FGD5: variants seen among roughly 807,000 people sequenced by gnomAD.
The protein encoded by FGD5 is FYVE, RhoGEF and PH domain containing 5, also known as FYVE, RhoGEF and PH domain-containing protein 5.
Under a neutral mutation model 133.4 loss-of-function variants are expected in FGD5, and 28 were observed. That is an observed-to-expected ratio of 0.21 (90% CI 0.16 to 0.29). The LOEUF (loss-of-function observed/expected upper bound fraction) is 0.29. Ranked by LOEUF, FGD5 falls within the 10% of genes least tolerant of loss-of-function variation. The pLI is 1.00. For missense variants in FGD5, 1,858 were observed against 1,895.2 expected (o/e 0.98, Z 0.36); for synonymous variants, 810 against 776.5 (o/e 1.04, Z -0.72).
chr3:14,886,393 G>A (rs933171483), intron 4 of FGD5, among the ~76,000 whole-genome samples: 3 of 152,228 alleles, frequency 2.0e-5, no homozygotes, highest in Admixed American at 6.5e-5. Context: ...GGGGCAGCAC[G>A]CACCCCGGGA....
chr3:14,879,412 C>T (rs958314146), intron 2 of FGD5, among the ~76,000 whole-genome samples: 1 of 152,254 alleles, frequency 6.6e-6, no homozygotes, highest in African/African-American at 2.4e-5. Flanking sequence ...CTGCTTGTGG[C>T]AGAAGGCCCA....
intron 1 of FGD5, among the ~76,000 whole-genome samples, chr3:14,812,869 T>A (rs2036314049): frequency 6.6e-6 from 1 of 152,204 alleles, no homozygotes; most frequent in East Asian, 1.9e-4. Context: ...CCAGCTAATA[T>A]TTATTGGGTA....
intron 13 of FGD5, among the ~76,000 whole-genome samples, chr3:14,919,259 T>A (rs1024910991): frequency 1.3e-5 from 2 of 152,208 alleles, no homozygotes; most frequent in African/African-American, 2.4e-5. Context: ...AAAAAAATAA[T>A]AAGTGAGCGT....
At chr3:14,824,230 C>T (rs2036560848) in intron 1 of FGD5, among the ~76,000 whole-genome samples, 1 of 152,232 alleles carries the variant, frequency 6.6e-6, no homozygotes, top group African/African-American at 2.4e-5. Context: ...CCACTTTGGG[C>T]TGGAGCAGGT....
intron 1 of FGD5, 89 bp from the exon 2 acceptor site, chr3:14,864,039 C>T (rs2037449063): frequency 6.5e-7 from 1 of 1,543,348 alleles, no homozygotes. Context: ...TGTTTTCTGT[C>T]CCCATGGCAT....
chr3:14,903,471 T>C (rs1293023916), intron 9 of FGD5, among the ~76,000 whole-genome samples: 1 of 150,680 alleles, frequency 6.6e-6, no homozygotes, highest in Non-Finnish European at 1.5e-5. Context: ...TCATCTAGCA[T>C]TAGGTATATC....
intron 1 of FGD5, among the ~76,000 whole-genome samples, chr3:14,822,122 GAAAAAGA>G (rs763737232): frequency 2.6e-5 from 4 of 151,618 alleles, no homozygotes; most frequent in African/African-American, 4.9e-5. Flanking sequence ...AAAAAGAAAA[GAAAAAGA>G]AAAAAGAAAA....
upstream of FGD5, among the ~76,000 whole-genome samples, chr3:14,818,515 G>T (rs2036415320): frequency 1.3e-5 from 2 of 152,176 alleles, no homozygotes; most frequent in South Asian, 4.1e-4. Context: ...CGTGTAGCTA[G>T]TGGGTACCCA....
At chr3:14,839,928 C>G (rs2036885637) in intron 1 of FGD5, among the ~76,000 whole-genome samples, 1 of 109,776 alleles carries the variant, frequency 9.1e-6, no homozygotes, top group Middle Eastern at 4.5e-3. Context: ...GCAAGACTGT[C>G]TCAAAAAACA....
At chr3:14,842,901 C>G (rs1420878824) in intron 1 of FGD5, among the ~76,000 whole-genome samples, 1 of 152,168 alleles carries the variant, frequency 6.6e-6, no homozygotes, top group Non-Finnish European at 1.5e-5. Context: ...CAAACCCTGG[C>G]CCCTCTGTCT....
At chr3:14,877,322 G>A (rs886082135) in intron 2 of FGD5, among the ~76,000 whole-genome samples, 4 of 152,180 alleles carry the variant, frequency 2.6e-5, no homozygotes, top group Non-Finnish European at 5.9e-5. Context: ...GGACTGCCCC[G>A]TGCGTCCCAC....
intron 1 of FGD5, among the ~76,000 whole-genome samples, chr3:14,822,187 G>A (rs1363317834): frequency 2.6e-5 from 4 of 152,036 alleles, no homozygotes. Context: ...TGCCAAATAC[G>A]GTACATGTGA....
chr3:14,907,902 C>T (rs2038370559), intron 10 of FGD5, among the ~76,000 whole-genome samples, 191 bp downstream of exon 10: 1 of 152,190 alleles, frequency 6.6e-6, no homozygotes, highest in South Asian at 2.1e-4. Context: ...CCCTGGGGTT[C>T]TCCACCCCAT....
In FGD5 at chr3:14,901,072, C is replaced by T; in HGVS notation, c.3264+11C>T. 1 of 1,613,942 alleles carries T rather than the reference C, an allele frequency of 6.2e-7. No homozygotes were observed. The highest frequency in any genetic ancestry group is 8.5e-7 in the Non-Finnish European group (1 of 1,179,838). On this transcript the variant is annotated intron_variant, in intron 9 of 19. Coordinates refer to ENST00000285046, the MANE Select transcript of FGD5 (RefSeq NM_152536.4). ...AGCATGGAGCAAGGGGTGAGTGCGG[C>T]CTGGCGGCCCCCTTCCTCAGACACA...
intron 2 of FGD5, among the ~76,000 whole-genome samples, chr3:14,867,594 G>A (rs1213736330): frequency 6.6e-6 from 1 of 151,712 alleles, no homozygotes; most frequent in Non-Finnish European, 1.5e-5. Flanking sequence ...AGACTCCCTG[G>A]CCACCCTTGG....
chr3:14,882,422 G>A (rs971410949), intron 4 of FGD5: 2 of 880,452 alleles, frequency 2.3e-6, no homozygotes, highest in Non-Finnish European at 2.7e-6. Context: ...CTCAGGCCAG[G>A]CGCGATGGCT....
intron 18 of FGD5, chr3:14,932,110 T>C: frequency 6.5e-6 from 1 of 153,876 alleles, no homozygotes; most frequent in Non-Finnish European, 1.4e-5. Flanking sequence ...TGAGACAGAG[T>C]CTCACTCTGC....
chr3:14,923,563 G>A (rs1025546362), intron 16 of FGD5, among the ~76,000 whole-genome samples: 2 of 152,160 alleles, frequency 1.3e-5, no homozygotes, highest in African/African-American at 4.8e-5. Flanking sequence ...GTCAGGGAGG[G>A]GTGAAGCTGT....
chr3:14,819,829 C>T lies in FGD5; in HGVS notation c.758C>T (p.Pro253Leu), dbSNP rs770858457. The change falls in exon 1 of 20, where the codon CCC becomes CTC. Residue 253 changes from proline (P) to leucine (L), a missense_variant. Transcript: ENST00000285046. This position sits in a 1 kb window ranked among gnomAD's most constrained non-coding sequence, Gnocchi z 4.1. The stretch of plus-strand genomic sequence containing the variant: ...GATGCTGAGGACACCAGTGAGGAGC[C>T]CCCTGAGAAGGAGGAGCTGGCCGGG... ...GQDAEDTSEE[P>L]PEKEELAGVQ... 7 of 1,603,964 alleles carry T rather than the reference C, an allele frequency of 4.4e-6. No individual in the cohort carries two copies. The South Asian group carries it at 7.8e-5, about 18-fold the overall frequency.
Sources: allele counts gnomAD v4.1 joint callset (sites outside exome capture counted in the v4.1 genomes callset), GRCh38; gene constraint gnomAD v4.1.1; non-coding constraint Gnocchi (gnomAD v3.1); transcripts MANE v1.5; gene names NCBI Gene and HGNC (gene_info 2026-07-23, HGNC 2026-07-21).